Variants in HCN1 observed in about 807,000 individuals in gnomAD.
The protein encoded by HCN1 is potassium/sodium hyperpolarization-activated cyclic nucleotide-gated channel 1.
Under a neutral mutation model 78.9 loss-of-function variants are expected in HCN1, and 13 were observed. The observed-to-expected ratio is 0.16, with a 90% CI of 0.11 to 0.26. The LOEUF is 0.26. Ranked by LOEUF, HCN1 falls within the 10% of genes least tolerant of loss-of-function variation. HCN1 has a pLI of 1.00. For synonymous variants in HCN1, 552 were observed against 455.5 expected, an observed-to-expected ratio of 1.21 and a Z score of -2.70; for missense variants, 810 against 1,154.3, an observed-to-expected ratio of 0.70 and a Z score of 4.32.
chr5:45,556,705 T>C (rs1743476391), intron 2 of HCN1, among the ~76,000 whole-genome samples: 1 of 151,988 alleles, frequency 6.6e-6, no homozygotes, highest in Admixed American at 6.6e-5. Flanking sequence ...TTTCAAAGGT[T>C]CATTCTCAAA....
chr5:45,331,526 C>A (rs984285348), intron 5 of HCN1, among the ~76,000 whole-genome samples: 2 of 151,166 alleles, frequency 1.3e-5, no homozygotes, highest in African/African-American at 2.4e-5. Context: ...TCATTTTAGA[C>A]TTATTAATAT....
In HCN1 at chr5:45,258,651, C is replaced by T. The variant is rs1744669970; in HGVS notation, c.*3270G>A. The T allele has an allele frequency of 6.6e-6, 1 of 151,906 alleles. No individual in the cohort carries two copies. The highest frequency in any genetic ancestry group is 1.5e-5 in the Non-Finnish European group (1 of 67,936). The allele number at this position is 151,906 out of a possible 1,614,324, so 9.4% of individuals were successfully genotyped here. A position where few individuals can be genotyped will look rare whatever the true frequency, so the allele number is the denominator to read the frequency against. On this transcript the variant is annotated 3_prime_UTR_variant, in exon 8 of 8. Coordinates refer to ENST00000303230, the MANE Select transcript of HCN1 (RefSeq NM_021072.4). ...ACTCTCCAAATAACTTTGCAGGGCC[C>T]AAGGCTATAAATATGAATATATTTA...
chr5:45,441,358 A>C (rs1740675660), intron 3 of HCN1, among the ~76,000 whole-genome samples: 1 of 140,682 alleles, frequency 7.1e-6, no homozygotes, highest in African/African-American at 2.6e-5. Flanking sequence ...GAAATGAAGG[A>C]GGGAGGGAAG....
chr5:45,493,688 G>A (rs1417058163), intron 2 of HCN1, among the ~76,000 whole-genome samples: 1 of 151,156 alleles, frequency 6.6e-6, no homozygotes, highest in Non-Finnish European at 1.5e-5. Context: ...CCATGCTGGT[G>A]CGCTGCACCC....
intron 4 of HCN1, among the ~76,000 whole-genome samples, chr5:45,370,247 C>T (rs1311532091): frequency 1.4e-4 from 21 of 151,492 alleles, no homozygotes; most frequent in Admixed American, 1.4e-3. Flanking sequence ...CATATTTATC[C>T]AATATTATCA....
chr5:45,349,165 C>T (rs1746827382), intron 5 of HCN1, among the ~76,000 whole-genome samples: 2 of 152,106 alleles, frequency 1.3e-5, no homozygotes, highest in Admixed American at 6.6e-5. Context: ...GAAATTATAA[C>T]AAACTGTCTC....
intron 4 of HCN1, among the ~76,000 whole-genome samples, chr5:45,385,118 A>G (rs1280583889): frequency 6.6e-6 from 1 of 152,036 alleles, no homozygotes; most frequent in Non-Finnish European, 1.5e-5. Context: ...TCCTGTGCAC[A>G]CTCAGAATAC....
intron 5 of HCN1, among the ~76,000 whole-genome samples, chr5:45,305,861 AGGAG>A (rs367614154): frequency 6.8e-5 from 10 of 146,030 alleles, no homozygotes; most frequent in Middle Eastern, 3.6e-3. Context: ...AAGGAAGGGA[AGGAG>A]GGAGGGAGGA....
chr5:45,303,753 C>T lies in HCN1; in HGVS notation c.1464G>A (p.Leu488=), dbSNP rs1414226989. The T allele has an allele frequency of 1.2e-6, 2 of 1,613,544 alleles. No homozygotes were observed. Among genetic ancestry groups the T allele is most frequent in the African/African-American group, 1.3e-5 (1 of 74,882 alleles). ...NADPNFVTAM[L]SKLRFEVFQP... Reference sequence around the variant, plus strand: ...GAAACACCTCAAATCTCAACTTGCTCAGCATGGCAGTCACAAAATTAGGAT... The same window carrying T: ...GAAACACCTCAAATCTCAACTTGCTTAGCATGGCAGTCACAAAATTAGGAT... Residue 488 remains leucine (L), a synonymous_variant, in exon 6 of 8, where the codon CTG becomes CTA. Transcript: ENST00000303230.
intron 3 of HCN1, among the ~76,000 whole-genome samples, chr5:45,433,239 T>C (rs1740498510): frequency 6.6e-6 from 1 of 152,168 alleles, no homozygotes; most frequent in South Asian, 2.1e-4. Context: ...ATGTATTTGC[T>C]TTTTGATGTG....
At chr5:45,399,961 A>G (rs1739759350) in intron 3 of HCN1, among the ~76,000 whole-genome samples, 1 of 152,196 alleles carries the variant, frequency 6.6e-6, no homozygotes, top group Non-Finnish European at 1.5e-5. Flanking sequence ...GAGCAAATTT[A>G]TACTTTACTT....
chr5:45,373,023 T>C (rs1271109286), intron 4 of HCN1, among the ~76,000 whole-genome samples: 1 of 136,030 alleles, frequency 7.4e-6, no homozygotes, highest in African/African-American at 2.7e-5. Flanking sequence ...ATATATATAT[T>C]TTACATATAT....
intron 3 of HCN1, among the ~76,000 whole-genome samples, chr5:45,405,202 G>A (rs1490121157): frequency 6.6e-6 from 1 of 152,040 alleles, no homozygotes; most frequent in East Asian, 1.9e-4. Context: ...CAGATAGAAA[G>A]TTGCATTTAA....
chr5:45,255,741 C>A lies in HCN1; in HGVS notation c.*6180G>T, dbSNP rs373273889. 4.6e-5 allele frequency: 7 copies of A among 152,118 alleles called. No homozygotes were observed. In the East Asian group the frequency reaches 9.6e-4, roughly 21 times the overall value. 9.4% of individuals were successfully genotyped at this position (152,118 alleles called of 1,614,324 possible). On this transcript the variant is annotated 3_prime_UTR_variant, in exon 8 of 8. Transcript: ENST00000303230. Reference sequence around the variant, plus strand: ...CTTTCAAATTTCTTTGGGTTATGTTCTTTCTTCCTTCAAAAGTAAATCTTT... The same window carrying A: ...CTTTCAAATTTCTTTGGGTTATGTTATTTCTTCCTTCAAAAGTAAATCTTT...
Position 45,259,761 on chromosome 5 carries a change from C to A in HCN1, c.*2160G>T, listed in dbSNP as rs1216331168. On this transcript the variant is annotated 3_prime_UTR_variant, in exon 8 of 8. Coordinates refer to ENST00000303230, the MANE Select transcript of HCN1 (RefSeq NM_021072.4). The stretch of plus-strand genomic sequence containing the variant: ...TTATATATATAAAAATATTTCACTA[C>A]CAAATCCATTAATCCTATCAAATGT... The A allele has an allele frequency of 6.6e-6, 1 of 152,194 alleles. No homozygotes were observed. Among genetic ancestry groups the A allele is most frequent in the Non-Finnish European group, 1.5e-5 (1 of 67,896 alleles). The allele number at this position is 152,194 out of a possible 1,614,324, so 9.4% of individuals were successfully genotyped here. A position where few individuals can be genotyped will look rare whatever the true frequency, so the allele number is the denominator to read the frequency against.
intron 2 of HCN1, among the ~76,000 whole-genome samples, chr5:45,525,675 G>T (rs1742723454): frequency 6.6e-6 from 1 of 151,964 alleles, no homozygotes; most frequent in Non-Finnish European, 1.5e-5. Context: ...AGAAATAGGA[G>T]GATGAGAGAG....
intron 2 of HCN1, among the ~76,000 whole-genome samples, chr5:45,583,319 G>T (rs1744128378): frequency 6.6e-6 from 1 of 152,142 alleles, no homozygotes; most frequent in Non-Finnish European, 1.5e-5. Flanking sequence ...GCATAGAGGT[G>T]TTTATAGTAT....
At chr5:45,338,581 A>G (rs958479508) in intron 5 of HCN1, among the ~76,000 whole-genome samples, 1 of 151,922 alleles carries the variant, frequency 6.6e-6, no homozygotes, top group African/African-American at 2.4e-5. Flanking sequence ...TTGTCATTCA[A>G]TGTCTTCTAT....
intron 2 of HCN1, among the ~76,000 whole-genome samples, chr5:45,470,411 G>T (rs1741367343): frequency 6.6e-6 from 1 of 151,762 alleles, no homozygotes; most frequent in Non-Finnish European, 1.5e-5. Context: ...CCCTAAAAAA[G>T]AACATAAACC....
Sources: gnomAD v4.1 joint callset for allele counts (sites outside exome capture counted in the v4.1 genomes callset) on GRCh38, gnomAD v4.1.1 for gene constraint, MANE v1.5 for transcripts, NCBI Gene and HGNC (gene_info 2026-07-23, HGNC 2026-07-21) for gene names.